Variants in PLCB1 observed in about 807,000 individuals in gnomAD.
PLCB1 encodes the protein 1-phosphatidylinositol 4,5-bisphosphate phosphodiesterase beta-1.
PLCB1 carries 46 observed loss-of-function variants against 161.8 expected under a neutral mutation model. The observed-to-expected ratio is 0.28, with a 90% confidence interval of 0.22 to 0.36. PLCB1 has a LOEUF of 0.36. PLCB1 is among the 10% of genes least tolerant of loss of function. The probability of loss-of-function intolerance (pLI) is 1.00; values close to 1 mark genes in which losing one functional copy is unlikely to be tolerated. For missense variants in PLCB1, 1,016 were observed against 1,472.5 expected (o/e 0.69, Z 5.07); for synonymous variants, 517 against 503.7 (o/e 1.03, Z -0.35).
intron 3 of PLCB1, among the ~76,000 whole-genome samples, chr20:8,381,796 T>G (rs919567806): frequency 1.3e-5 from 2 of 152,240 alleles, no homozygotes; most frequent in Admixed American, 1.3e-4. Context: ...GATATCCCCT[T>G]TATCATTTTT....
At chr20:8,230,056 CAAAAAAAAAAA>C (rs547874616) in intron 2 of PLCB1, among the ~76,000 whole-genome samples, 26,784 of 59,226 alleles carry the variant, frequency 0.45, 4,402 homozygotes, top group African/African-American at 0.58. Context: ...GACTTGGCAG[CAAAAAAAAAAA>C]AAAAAAAAAA....
chr20:8,362,575 A>T (rs1986577490), intron 2 of PLCB1, among the ~76,000 whole-genome samples: 1 of 152,150 alleles, frequency 6.6e-6, no homozygotes, highest in Non-Finnish European at 1.5e-5. Context: ...GAAGTGTTTT[A>T]CTCTTAGATG....
intron 2 of PLCB1, among the ~76,000 whole-genome samples, chr20:8,187,414 T>C (rs911899404): frequency 6.6e-6 from 1 of 152,190 alleles, no homozygotes; most frequent in East Asian, 1.9e-4. Context: ...GTCCTTTGCA[T>C]GTATCTAAAG....
intron 3 of PLCB1, among the ~76,000 whole-genome samples, chr20:8,516,580 CCA>C (rs780044764): frequency 2.0e-5 from 3 of 147,720 alleles, no homozygotes; most frequent in Non-Finnish European, 4.5e-5. Flanking sequence ...TGCTAAATAG[CCA>C]CAGTCTTATT....
At chr20:8,222,397 C>T (rs901051799) in intron 2 of PLCB1, among the ~76,000 whole-genome samples, 6 of 152,180 alleles carry the variant, frequency 3.9e-5, no homozygotes, top group East Asian at 3.9e-4. Flanking sequence ...TGTTTCAATA[C>T]GTTTATGATA....
intron 31 of PLCB1, among the ~76,000 whole-genome samples, chr20:8,880,537 G>A (rs1340086033): frequency 6.6e-6 from 1 of 152,134 alleles, no homozygotes; most frequent in Non-Finnish European, 1.5e-5. Flanking sequence ...ATAAAGTGGT[G>A]GCAAAATAAG....
At chr20:8,329,368 G>A (rs1985280273) in intron 2 of PLCB1, among the ~76,000 whole-genome samples, 1 of 146,478 alleles carries the variant, frequency 6.8e-6, no homozygotes. Context: ...CACCCAGTCT[G>A]GAGTGCACTC....
chr20:8,197,361 G>C (rs1164596577), intron 2 of PLCB1, among the ~76,000 whole-genome samples: 1 of 152,114 alleles, frequency 6.6e-6, no homozygotes, highest in African/African-American at 2.4e-5. Context: ...ATTCTAACTG[G>C]TGTGAGATGG....
chr20:8,222,704 C>A (rs6055664), intron 2 of PLCB1, among the ~76,000 whole-genome samples: 1,844 of 152,152 alleles, frequency 0.012, 42 homozygotes, highest in African/African-American at 0.042. Flanking sequence ...CAATTACATG[C>A]CGTTAGACTT....
At chr20:8,471,672 C>T (rs1305479110) in intron 3 of PLCB1, among the ~76,000 whole-genome samples, 1 of 152,076 alleles carries the variant, frequency 6.6e-6, no homozygotes, top group Non-Finnish European at 1.5e-5. Context: ...ATAATTGACC[C>T]CCTGCTAGGT....
chr20:8,864,694 T>A (rs1987366675), intron 31 of PLCB1, among the ~76,000 whole-genome samples: 1 of 152,228 alleles, frequency 6.6e-6, no homozygotes, highest in Admixed American at 6.5e-5. Context: ...GGAATTAGGA[T>A]GGCTCTCTGG....
intron 9 of PLCB1, among the ~76,000 whole-genome samples, chr20:8,664,734 G>A (rs11905179): frequency 0.08 from 12,120 of 152,156 alleles, 665 homozygotes; most frequent in East Asian, 0.17. Flanking sequence ...TCATGTTATC[G>A]ATAATTGTCT....
intron 3 of PLCB1, among the ~76,000 whole-genome samples, chr20:8,605,417 A>C (rs1156470340): frequency 6.6e-6 from 1 of 152,032 alleles, no homozygotes; most frequent in Non-Finnish European, 1.5e-5. Context: ...AACACACTTA[A>C]TACTTCATTT....
At chr20:8,667,650 G>T (rs1989846193) in intron 9 of PLCB1, among the ~76,000 whole-genome samples, 1 of 152,186 alleles carries the variant, frequency 6.6e-6, no homozygotes, top group Admixed American at 6.5e-5. Flanking sequence ...ACTCACAGCT[G>T]AAATGTCCTT....
chr20:8,825,748 G>A (rs1367181226), intron 31 of PLCB1, among the ~76,000 whole-genome samples: 2 of 152,168 alleles, frequency 1.3e-5, no homozygotes, highest in African/African-American at 4.8e-5. Flanking sequence ...CAAATTAAAG[G>A]GTAGAAGGGG....
intron 3 of PLCB1, among the ~76,000 whole-genome samples, chr20:8,544,795 CAT>C (rs1336180894): frequency 1.2e-4 from 19 of 152,288 alleles, no homozygotes; most frequent in Middle Eastern, 6.8e-3. Context: ...CCAGCACCCA[CAT>C]GTCTGATATA....
chr20:8,740,483 A>T (rs1980820289), intron 22 of PLCB1, 35 bp downstream of exon 22: 1 of 1,205,644 alleles, frequency 8.3e-7, no homozygotes, highest in Admixed American at 2.4e-5. Context: ...CTTTACTCAA[A>T]GGGGTATTTC....
intron 31 of PLCB1, among the ~76,000 whole-genome samples, chr20:8,831,899 C>G (rs1479119177): frequency 8.1e-6 from 1 of 123,964 alleles, no homozygotes; most frequent in Non-Finnish European, 1.7e-5. Context: ...TTTCTTTCTC[C>G]CTCTCTTTCT....
intron 2 of PLCB1, among the ~76,000 whole-genome samples, chr20:8,330,218 A>G (rs1985315639): frequency 6.6e-6 from 1 of 152,176 alleles, no homozygotes; most frequent in Non-Finnish European, 1.5e-5. Context: ...AGTACTTTAC[A>G]GTGTATTAAC....
Sources: gnomAD v4.1 joint callset for allele counts (sites outside exome capture counted in the v4.1 genomes callset) on GRCh38, gnomAD v4.1.1 for gene constraint, MANE v1.5 for transcripts, NCBI Gene and HGNC (gene_info 2026-07-23, HGNC 2026-07-21) for gene names.